The following CDH18 variants were observed in gnomAD, a reference collection of about 807,000 sequenced individuals.
The protein encoded by CDH18 is cadherin 18.
Under a neutral mutation model 67.9 loss-of-function variants are expected in CDH18, and 31 were observed. The ratio of observed to expected loss-of-function variants is 0.46; its 90% CI spans 0.34 to 0.62. The LOEUF is 0.62. Among genes scored for constraint, CDH18 ranks in the 20% least tolerant of loss-of-function variants. CDH18 has a pLI of 0.01. For synonymous variants in CDH18, 362 were observed against 347.2 expected (o/e 1.04, Z -0.48); for missense variants, 890 against 975.5 (o/e 0.91, Z 1.17).
At chr5:20,376,245 C>T (rs1562014375) in intron 1 of CDH18, among the ~76,000 whole-genome samples, 4 of 151,232 alleles carry the variant, frequency 2.6e-5, no homozygotes, top group African/African-American at 7.3e-5. Flanking sequence ...AGGCGCCCGC[C>T]ACCTCGCCCA....
chr5:20,021,916 C>G (rs1372700354), intron 2 of CDH18, among the ~76,000 whole-genome samples: 1 of 152,090 alleles, frequency 6.6e-6, no homozygotes, highest in African/African-American at 2.4e-5. Context: ...ATGGACACAG[C>G]AATTGATAAT....
intron 8 of CDH18, among the ~76,000 whole-genome samples, chr5:19,562,272 G>T (rs371981111): frequency 1.3e-5 from 2 of 152,086 alleles, no homozygotes; most frequent in Non-Finnish European, 2.9e-5. Context: ...TTTAAATCCT[G>T]CATTCAAACT....
chr5:20,056,220 T>A (rs930310992), intron 2 of CDH18, among the ~76,000 whole-genome samples: 1 of 150,408 alleles, frequency 6.6e-6, no homozygotes, highest in African/African-American at 2.4e-5. Context: ...GTCAGGCTGG[T>A]CTTGAACTAT....
At chr5:20,470,106 A>G (rs566509282) in intron 1 of CDH18, among the ~76,000 whole-genome samples, 1 of 152,276 alleles carries the variant, frequency 6.6e-6, no homozygotes, top group East Asian at 1.9e-4. Context: ...GGGCAGCCCT[A>G]CTGTGATAAG....
chr5:20,260,733 G>A (rs766145250), intron 1 of CDH18, among the ~76,000 whole-genome samples: 1 of 152,130 alleles, frequency 6.6e-6, no homozygotes, highest in African/African-American at 2.4e-5. Flanking sequence ...CTCCACCATA[G>A]CAGGCTGATT....
At chr5:19,590,901 T>A (rs1478434646) in intron 7 of CDH18, among the ~76,000 whole-genome samples, 156 bp downstream of exon 7, 4 of 152,096 alleles carry the variant, frequency 2.6e-5, no homozygotes, top group African/African-American at 9.6e-5. Flanking sequence ...ATCTAAACAG[T>A]TGACAAACAA....
At chr5:19,541,328 A>G (rs934306845) in intron 9 of CDH18, among the ~76,000 whole-genome samples, 2 of 150,920 alleles carry the variant, frequency 1.3e-5, no homozygotes, top group Admixed American at 6.6e-5. Flanking sequence ...CCAAGTCTCC[A>G]GGATGTTCCA....
chr5:20,539,773 C>CAA (rs1561110043), intron 1 of CDH18, among the ~76,000 whole-genome samples: 1 of 151,684 alleles, frequency 6.6e-6, no homozygotes, highest in Non-Finnish European at 1.5e-5. Context: ...CACACACACA[C>CAA]ACACACACCC....
At chr5:19,507,573 C>T (rs1478172183) in intron 10 of CDH18, among the ~76,000 whole-genome samples, 1 of 152,012 alleles carries the variant, frequency 6.6e-6, no homozygotes, top group African/African-American at 2.4e-5. Context: ...TACTATGCAG[C>T]CATAAAAAAT....
At chr5:20,043,935 G>A (rs951211401) in intron 2 of CDH18, among the ~76,000 whole-genome samples, 2 of 152,198 alleles carry the variant, frequency 1.3e-5, no homozygotes, top group Admixed American at 6.5e-5. Flanking sequence ...CTTTATTCTC[G>A]AAAGTTATTC....
At chr5:19,871,593 A>G (rs1292654789) in intron 2 of CDH18, among the ~76,000 whole-genome samples, 2 of 152,194 alleles carry the variant, frequency 1.3e-5, no homozygotes, top group Admixed American at 6.5e-5. Flanking sequence ...TCCTAATATG[A>G]AAAGCTATTT....
chr5:19,872,034 A>G (rs1032200573), intron 2 of CDH18, among the ~76,000 whole-genome samples: 1 of 152,172 alleles, frequency 6.6e-6, no homozygotes, highest in African/African-American at 2.4e-5. Flanking sequence ...CATTTAGTGG[A>G]AACTCTTTGT....
intron 1 of CDH18, among the ~76,000 whole-genome samples, chr5:20,288,792 C>T (rs1746884217): frequency 6.6e-6 from 1 of 151,748 alleles, no homozygotes; most frequent in South Asian, 2.1e-4. Context: ...TCCCTTTACA[C>T]TTGAAATGAA....
intron 2 of CDH18, among the ~76,000 whole-genome samples, chr5:20,214,632 T>C (rs1365624290): frequency 3.9e-5 from 6 of 152,164 alleles, no homozygotes; most frequent in African/African-American, 1.2e-4. Flanking sequence ...GATAACTGGC[T>C]AGCCATGTGT....
intron 8 of CDH18, 63 bp downstream of exon 8, chr5:19,571,516 G>A (rs1741384670): frequency 1.4e-6 from 2 of 1,427,938 alleles, no homozygotes; most frequent in South Asian, 2.7e-5. Context: ...TTTTATTCAA[G>A]TTTAATTAAT....
intron 1 of CDH18, among the ~76,000 whole-genome samples, chr5:20,302,734 C>T (rs1173767420): frequency 6.6e-6 from 1 of 152,212 alleles, no homozygotes; most frequent in Non-Finnish European, 1.5e-5. Flanking sequence ...GAATGCGCTA[C>T]GCACTGAAGA....
intron 1 of CDH18, among the ~76,000 whole-genome samples, chr5:20,437,359 T>G (rs551537579): frequency 6.6e-6 from 1 of 151,378 alleles, no homozygotes; most frequent in African/African-American, 2.4e-5. Flanking sequence ...TATCACATAA[T>G]TTAGAAAAAA....
At chr5:19,834,272 G>T (rs1435297364) in intron 3 of CDH18, among the ~76,000 whole-genome samples, 1 of 151,814 alleles carries the variant, frequency 6.6e-6, no homozygotes, top group South Asian at 2.1e-4. Context: ...ATACATCCAG[G>T]AATTTATCCA....
At chr5:20,321,604 T>G (rs944594704) in intron 1 of CDH18, among the ~76,000 whole-genome samples, 3 of 152,214 alleles carry the variant, frequency 2.0e-5, no homozygotes, top group African/African-American at 7.2e-5. Flanking sequence ...TTAAATTTAC[T>G]GTCTCAAGGT....
Sources: gnomAD v4.1 joint callset for allele counts (sites outside exome capture counted in the v4.1 genomes callset) on GRCh38, gnomAD v4.1.1 for gene constraint, MANE v1.5 for transcripts, NCBI Gene and HGNC (gene_info 2026-07-23, HGNC 2026-07-21) for gene names.